GABPA: variants seen among roughly 807,000 people sequenced by gnomAD.
GABPA encodes GA binding protein transcription factor subunit alpha, also known as GA-binding protein alpha chain.
GABPA carries 4 observed loss-of-function variants against 59.4 expected under a neutral mutation model. The observed-to-expected ratio is 0.07, with a 90% CI of 0.03 to 0.15. The LOEUF is 0.15. Ranked by LOEUF, GABPA falls within the 10% of genes least tolerant of loss-of-function variation. The pLI, the probability that GABPA is intolerant of heterozygous loss-of-function variation, is 1.00. For missense variants in GABPA, 251 were observed against 543.8 expected (o/e 0.46, Z 5.36); for synonymous variants, 164 against 183.1 (o/e 0.90, Z 0.84).
In GABPA at chr21:25,770,958, C is replaced by T. The variant is rs1227769656; in HGVS notation, c.*1726C>T. On this transcript the variant is annotated 3_prime_UTR_variant, in exon 10 of 10. Coordinates refer to ENST00000400075, the MANE Select transcript of GABPA (RefSeq NM_002040.4). ...ACTTTTTTGAAAGAGAATATATGGA[C>T]AGATTATTAGTACAATTTGGGCACT... The T allele has an allele frequency of 6.6e-6, 1 of 151,934 alleles. No homozygotes were observed. The highest frequency in any genetic ancestry group is 1.5e-5 in the Non-Finnish European group (1 of 67,898). 9.4% of individuals were successfully genotyped at this position (151,934 alleles called of 1,614,324 possible). A position where few individuals can be genotyped will look rare whatever the true frequency, so the allele number is the denominator to read the frequency against.
chr21:25,750,240 C>T (rs1369468193), intron 4 of GABPA, among the ~76,000 whole-genome samples: 3 of 152,136 alleles, frequency 2.0e-5, no homozygotes, highest in African/African-American at 7.2e-5. Flanking sequence ...GAAGCTCAGG[C>T]GGTAATGTGA....
At chr21:25,765,009 T>A (rs2035856687) in intron 9 of GABPA, among the ~76,000 whole-genome samples, 1 of 151,944 alleles carries the variant, frequency 6.6e-6, no homozygotes, top group South Asian at 2.1e-4. Context: ...TTTATCTGAT[T>A]TGAAAGCTAT....
intron 5 of GABPA, among the ~76,000 whole-genome samples, chr21:25,753,042 A>C (rs1477440401): frequency 6.6e-6 from 1 of 152,162 alleles, no homozygotes; most frequent in Non-Finnish European, 1.5e-5. Context: ...TTGGTGACTA[A>C]AACAGTAATA....
chr21:25,767,642 T>TA (rs1228863853), intron 9 of GABPA, among the ~76,000 whole-genome samples: 1 of 152,092 alleles, frequency 6.6e-6, no homozygotes, highest in African/African-American at 2.4e-5. Context: ...TCCCCACGTA[T>TA]AGTCTTACAT....
At chr21:25,738,381 A>ATTTGT (rs2035134892) in intron 1 of GABPA, among the ~76,000 whole-genome samples, 1 of 151,930 alleles carries the variant, frequency 6.6e-6, no homozygotes, top group Non-Finnish European at 1.5e-5. Context: ...TACTTTTCTA[A>ATTTGT]TTTGTCCCTT....
chr21:25,762,249 A>G, intron 6 of GABPA, 63 bp from the exon 7 acceptor site: 3 of 824,830 alleles, frequency 3.6e-6, no homozygotes. Flanking sequence ...GTTGAGTTTT[A>G]TTGGATTGGG....
At chr21:25,751,669 G>T (rs1398925264) in intron 4 of GABPA, among the ~76,000 whole-genome samples, 2 of 151,808 alleles carry the variant, frequency 1.3e-5, no homozygotes, top group Non-Finnish European at 2.9e-5. Context: ...TTTCGTATTG[G>T]TAATTTTTAT....
rs2035075700 is a variant in GABPA, at chr21:25,736,690, T to C, written c.-27+1112T>C. Among the ~76,000 whole-genome samples the C allele has an allele frequency of 2.0e-5, 3 of 152,192 alleles. No individual in the cohort carries two copies. In the South Asian group the frequency reaches 6.2e-4, roughly 32 times the overall value. ...TGACTTTAGCCTTCCCTCAACTCTT[T>C]ATATATAAAACTCCAAACCTACAGA... On this transcript the variant is annotated intron_variant, in intron 1 of 9. Transcript: ENST00000400075.
chr21:25,755,436 A>G (rs1204285834), intron 5 of GABPA, among the ~76,000 whole-genome samples: 1 of 147,282 alleles, frequency 6.8e-6, no homozygotes, highest in Non-Finnish European at 1.5e-5. Context: ...ACTGTCTAAA[A>G]AAAAAAAAAA....
At chr21:25,753,003 A>G (rs1300856536) in intron 5 of GABPA, among the ~76,000 whole-genome samples, 1 of 152,186 alleles carries the variant, frequency 6.6e-6, no homozygotes, top group Non-Finnish European at 1.5e-5. Context: ...GGAAGATACA[A>G]GTATTGATCT....
At chr21:25,740,560 T>C (rs955699441) in intron 1 of GABPA, among the ~76,000 whole-genome samples, 10 of 152,234 alleles carry the variant, frequency 6.6e-5, no homozygotes, top group African/African-American at 2.2e-4. Context: ...TATCTATGTA[T>C]ATTAGCTATT....
chr21:25,767,123 A>G (rs548879190), intron 9 of GABPA, among the ~76,000 whole-genome samples: 1 of 152,100 alleles, frequency 6.6e-6, no homozygotes, highest in Admixed American at 6.6e-5. Flanking sequence ...AATATAAAGA[A>G]AAAGCAGTCA....
At chr21:25,768,677 C>CTTG (rs2035948705) in intron 9 of GABPA, among the ~76,000 whole-genome samples, 1 of 152,012 alleles carries the variant, frequency 6.6e-6, no homozygotes, top group Non-Finnish European at 1.5e-5. Context: ...CTCCAAAGCT[C>CTTG]TTGTTCTTAG....
intron 2 of GABPA, among the ~76,000 whole-genome samples, chr21:25,744,042 C>CAAAAAAAA (rs1182340915): frequency 1.4e-5 from 1 of 71,884 alleles, no homozygotes; most frequent in African/African-American, 5.5e-5. Flanking sequence ...GACTCTGTCT[C>CAAAAAAAA]AAAAAAAAAA....
At chr21:25,754,699 T>C (rs2035591792) in intron 5 of GABPA, among the ~76,000 whole-genome samples, 1 of 152,220 alleles carries the variant, frequency 6.6e-6, no homozygotes, top group Non-Finnish European at 1.5e-5. Flanking sequence ...TTTGTTTGTG[T>C]TGTTTTTAAC....
chr21:25,756,372 T>C (rs189137460), intron 5 of GABPA, among the ~76,000 whole-genome samples: 1 of 152,284 alleles, frequency 6.6e-6, no homozygotes, highest in African/African-American at 2.4e-5. Context: ...TTCTCCTCTT[T>C]CCTTTTCCTT....
intron 7 of GABPA, among the ~76,000 whole-genome samples, chr21:25,762,634 T>TAC (rs948577335): frequency 2.0e-5 from 3 of 152,176 alleles, no homozygotes; most frequent in African/African-American, 7.2e-5. Flanking sequence ...GACTGTTAAT[T>TAC]ACCAAGTTGT....
intron 9 of GABPA, among the ~76,000 whole-genome samples, chr21:25,768,346 A>G (rs1408869529): frequency 6.6e-6 from 1 of 152,068 alleles, no homozygotes; most frequent in Non-Finnish European, 1.5e-5. Context: ...GAAATTTGGA[A>G]AGCGTTTACA....
chr21:25,745,124 G>A, intron 2 of GABPA, 86 bp from the exon 3 acceptor site: 1 of 1,449,400 alleles, frequency 6.9e-7, no homozygotes, highest in Non-Finnish European at 9.5e-7. Flanking sequence ...ATGTGTTTTG[G>A]TTTGGGATTG....
Sources: allele counts gnomAD v4.1 joint callset (sites outside exome capture counted in the v4.1 genomes callset), GRCh38; gene constraint gnomAD v4.1.1; transcripts MANE v1.5; gene names NCBI Gene and HGNC (gene_info 2026-07-23, HGNC 2026-07-21).